The following EPG5 variants were observed in gnomAD, a reference collection of about 807,000 sequenced individuals.
The protein encoded by EPG5 is ectopic P granules protein 5 homolog.
In EPG5, 159 loss-of-function variants were observed where a neutral mutation model predicts 302.7. The ratio of observed to expected loss-of-function variants is 0.53; its 90% CI spans 0.46 to 0.60. EPG5 has a LOEUF of 0.60. Among genes scored for constraint, EPG5 ranks in the 20% least tolerant of loss-of-function variants. The probability of loss-of-function intolerance (pLI) is 0.00; values close to 1 mark genes in which losing one functional copy is unlikely to be tolerated. For missense variants in EPG5, 2,896 were observed against 3,092.4 expected (o/e 0.94, Z 1.51); for synonymous variants, 1,158 against 1,136.8 (o/e 1.02, Z -0.37).
intron 28 of EPG5, 137 bp from the exon 29 acceptor site, chr18:45,888,044 A>G (rs887969359): frequency 3.6e-5 from 22 of 619,188 alleles, no homozygotes; most frequent in Non-Finnish European, 5.4e-5. Flanking sequence ...CACTTTAGAA[A>G]TATTTCATGG....
At chr18:45,920,620 G>C (rs893203602) in intron 16 of EPG5, among the ~76,000 whole-genome samples, 1 of 152,200 alleles carries the variant, frequency 6.6e-6, no homozygotes, top group Non-Finnish European at 1.5e-5. Flanking sequence ...AGGAAGTGAG[G>C]AGGAGGCGGG....
chr18:45,890,163 C>T (rs1245017998), intron 27 of EPG5: 1 of 358,534 alleles, frequency 2.8e-6, no homozygotes, highest in South Asian at 5.5e-5. Flanking sequence ...AAATCCTCAT[C>T]AAAAACACAT....
Position 45,948,026 on chromosome 18 carries a change from C to T in EPG5, c.1571+477G>A, listed in dbSNP as rs2050824418. 2.6e-5 allele frequency among the ~76,000 whole-genome samples: 4 copies of T among 152,218 alleles called. No homozygotes were observed. In the South Asian group the frequency reaches 8.3e-4, roughly 32 times the overall value. ...CTGCCCTCAGGTGATCCACCTGCCT[C>T]GGCCTCCCAAAGTACTGGGATTACA... is the stretch of plus-strand genomic sequence containing the variant. On this transcript the variant is annotated intron_variant, in intron 6 of 43. Coordinates refer to ENST00000282041, the MANE Select transcript of EPG5 (RefSeq NM_020964.3).
intron 24 of EPG5, 67 bp from the exon 25 acceptor site, chr18:45,904,184 T>C: frequency 6.5e-7 from 1 of 1,545,788 alleles, no homozygotes; most frequent in African/African-American, 1.4e-5. Context: ...AAACTATGTA[T>C]TTAACTATAA....
Position 45,879,149 on chromosome 18 carries a change from A to G in EPG5, c.5733T>C (p.Phe1911=), listed in dbSNP as rs1464292842. The G allele has an allele frequency of 6.2e-7, 1 of 1,614,148 alleles. No individual in the cohort carries two copies. Among genetic ancestry groups the G allele is most frequent in the Non-Finnish European group, 8.5e-7 (1 of 1,180,022 alleles). ...FYKLRLSKMD[F]KSFGLFSKWS... is the part of the protein sequence containing the mutation. ...ATTTTGAGAATAAACCAAAGCTTTT[A>G]AAGTCCATCTTGGATAACCGAAGCT... is the stretch of plus-strand genomic sequence containing the variant. Residue 1911 remains phenylalanine, a synonymous_variant, in exon 33 of 44, where the codon TTT becomes TTC. Coordinates refer to ENST00000282041, the MANE Select transcript of EPG5 (RefSeq NM_020964.3).
At chr18:45,936,136 C>G (rs1288801751) in intron 10 of EPG5, among the ~76,000 whole-genome samples, 4 of 152,134 alleles carry the variant, frequency 2.6e-5, no homozygotes, top group Admixed American at 6.5e-5. Context: ...TTATAGTCAC[C>G]CTTGGTGACT....
intron 39 of EPG5, among the ~76,000 whole-genome samples, chr18:45,864,988 G>A (rs551354446): frequency 6.6e-6 from 1 of 152,100 alleles, no homozygotes; most frequent in South Asian, 2.1e-4. Context: ...TTCCTTTTAG[G>A]CTCCCATCTT....
chr18:45,829,020 G>C, the EPG5 span: 1 of 898,230 alleles, frequency 1.1e-6, no homozygotes, highest in African/African-American at 1.8e-5. Context: ...ATCTGGGGCG[G>C]GAAGGGGAGG....
chr18:45,824,307 C>A, the EPG5 span, among the ~76,000 whole-genome samples: 9 of 152,202 alleles, frequency 5.9e-5, no homozygotes, highest in Non-Finnish European at 1.3e-4. Context: ...CCTGGCTTCA[C>A]ACCATTCTCC....
chr18:45,857,703 GTT>G (rs200831995), intron 42 of EPG5, 148 bp downstream of exon 42: 1 of 548,140 alleles, frequency 1.8e-6, no homozygotes, highest in Non-Finnish European at 3.1e-6. Context: ...ATCAGGCTCT[GTT>G]TTTTTTTTCT....
At chr18:45,883,862 G>A (rs947189526) in intron 30 of EPG5, among the ~76,000 whole-genome samples, 25 of 149,078 alleles carry the variant, frequency 1.7e-4, no homozygotes, top group African/African-American at 5.9e-4. Flanking sequence ...TCATTACCTT[G>A]GTCTAACAGA....
chr18:45,877,596 G>A (rs1236964505), intron 34 of EPG5, among the ~76,000 whole-genome samples: 1 of 152,128 alleles, frequency 6.6e-6, no homozygotes, highest in African/African-American at 2.4e-5. Flanking sequence ...TCTAGCAAAA[G>A]CAAACATTCA....
intron 38 of EPG5, among the ~76,000 whole-genome samples, chr18:45,866,305 G>T (rs544924458): frequency 5.9e-5 from 9 of 152,118 alleles, no homozygotes; most frequent in African/African-American, 2.2e-4. Flanking sequence ...ATTTTTAGTA[G>T]AGATGGGCTT....
At position 45,909,352 on chromosome 18, in the gene EPG5, G is replaced by A. The variant is rs528712527; in HGVS notation, c.4205+1169C>T. On this transcript the variant is annotated intron_variant, in intron 23 of 43. Transcript: ENST00000282041. The stretch of plus-strand genomic sequence containing the variant: ...ATCTAAAATATTCACAGAGAAAGCC[G>A]TCCACTGGTTAAGGCTGGTTAAAAA... Among the ~76,000 whole-genome samples the A allele has an allele frequency of 1.2e-4, 18 of 152,290 alleles. No individual in the cohort carries two copies. In the East Asian group the frequency reaches 1.7e-3, roughly 15 times the overall value.
intron 43 of EPG5, 98 bp from the exon 44 acceptor site, chr18:45,852,747 T>C: frequency 9.2e-7 from 1 of 1,090,008 alleles, no homozygotes; most frequent in Non-Finnish European, 1.3e-6. Context: ...ACTTCAACTG[T>C]GAGCCTTGTG....
At position 45,923,361 on chromosome 18, in the gene EPG5, G is replaced by A. The variant is rs1186493680; in HGVS notation, c.2745C>T (p.Val915=). ...KQATLHLDQA[V]HAEVALMVLE... ...GAACCATTAAAGCCACTTCAGCATG[G>A]ACTGCTTGATCCAGATGAAGGGTAG... The change falls in exon 15 of 44, where the codon GTC becomes GTT. Residue 915 remains valine, a synonymous_variant. Coordinates refer to ENST00000282041, the MANE Select transcript of EPG5 (RefSeq NM_020964.3). 6.2e-7 allele frequency: 1 copy of A among 1,613,702 alleles called. No individual in the cohort carries two copies. The highest frequency in any genetic ancestry group is 1.3e-5 in the African/African-American group (1 of 74,908).
At chr18:45,936,758 G>A (rs1347619067) in intron 10 of EPG5, among the ~76,000 whole-genome samples, 14 of 140,518 alleles carry the variant, frequency 1.0e-4, no homozygotes, top group East Asian at 6.2e-4. Context: ...GCAAAGGAAT[G>A]TACAGCAACT....
intron 37 of EPG5, 106 bp from the exon 38 acceptor site, chr18:45,867,113 C>A: frequency 1.3e-6 from 1 of 753,832 alleles, no homozygotes. Context: ...CTATGGTAAG[C>A]ACAGAACAGT....
At chr18:45,829,691 T>C in the EPG5 span, among the ~76,000 whole-genome samples, 2 of 152,086 alleles carry the variant, frequency 1.3e-5, no homozygotes. Context: ...CCCTCCCAGA[T>C]TGTTGGGCTC....
Sources: gnomAD v4.1 joint callset for allele counts (sites outside exome capture counted in the v4.1 genomes callset) on GRCh38, gnomAD v4.1.1 for gene constraint, MANE v1.5 for transcripts, NCBI Gene and HGNC (gene_info 2026-07-23, HGNC 2026-07-21) for gene names.